Variants in FAM13A observed in about 807,000 individuals in gnomAD.
FAM13A encodes the protein family with sequence similarity 13 member A.
A neutral mutation model predicts 129.6 loss-of-function variants in FAM13A; 76 were observed. The observed-to-expected ratio is 0.59, with a 90% CI of 0.49 to 0.71. The LOEUF is 0.71. Ranked by LOEUF, FAM13A falls within the 30% of genes least tolerant of loss-of-function variation. The probability of loss-of-function intolerance (pLI) is 0.00; values close to 1 mark genes in which losing one functional copy is unlikely to be tolerated. For synonymous variants in FAM13A, 443 were observed against 449.9 expected (o/e 0.98, Z 0.20); for missense variants, 1,108 against 1,249.3 (o/e 0.89, Z 1.70).
intron 5 of FAM13A, among the ~76,000 whole-genome samples, chr4:88,928,199 A>G (rs994574306): frequency 6.6e-6 from 1 of 152,140 alleles, no homozygotes; most frequent in Non-Finnish European, 1.5e-5. Flanking sequence ...CTGAGAAAAT[A>G]CTTGATATCA....
At chr4:88,855,235 G>A (rs1404966264) in intron 6 of FAM13A, 1 of 151,820 alleles carries the variant, frequency 6.6e-6, no homozygotes, top group African/African-American at 2.4e-5. Flanking sequence ...TCTTTTTTGG[G>A]TATTAGAAGT....
intron 7 of FAM13A, among the ~76,000 whole-genome samples, chr4:88,849,284 T>G (rs1022886278): frequency 1.3e-5 from 2 of 152,146 alleles, no homozygotes; most frequent in Non-Finnish European, 2.9e-5. Flanking sequence ...AACACTGCAA[T>G]TGCCTCCCAA....
intron 3 of FAM13A, among the ~76,000 whole-genome samples, chr4:88,996,846 T>C (rs568580070): frequency 1.6e-4 from 25 of 152,326 alleles, no homozygotes; most frequent in African/African-American, 6.0e-4. Flanking sequence ...GTGCCTTGCA[T>C]ATTAAAAGCG....
intron 4 of FAM13A, chr4:88,990,722 CTT>C (rs1762824656): frequency 5.7e-6 from 2 of 352,882 alleles, no homozygotes; most frequent in Non-Finnish European, 1.0e-5. Flanking sequence ...TAAAATATAA[CTT>C]ATTTCCAGAT....
At chr4:88,946,696 C>CT (rs545751558) in intron 4 of FAM13A, among the ~76,000 whole-genome samples, 25 of 150,646 alleles carry the variant, frequency 1.7e-4, no homozygotes, top group Admixed American at 7.3e-4. Context: ...TCTGGCTCAG[C>CT]TTTTTTTTTA....
intron 17 of FAM13A, 30 bp downstream of exon 17, chr4:88,748,922 C>T: frequency 4.0e-6 from 6 of 1,513,264 alleles, no homozygotes; most frequent in Non-Finnish European, 5.5e-6. Flanking sequence ...GCTTGTTGTA[C>T]AGAAGCCACA....
chr4:89,027,550 G>C (rs1768127511), intron 2 of FAM13A, among the ~76,000 whole-genome samples: 1 of 151,314 alleles, frequency 6.6e-6, no homozygotes, highest in Non-Finnish European at 1.5e-5. Context: ...AAATGGGAGA[G>C]ATTTGTTCTT....
chr4:88,837,815 C>T (rs1370215921), intron 7 of FAM13A, among the ~76,000 whole-genome samples: 25 of 149,614 alleles, frequency 1.7e-4, no homozygotes, highest in South Asian at 1.1e-3. Context: ...CTTCCTTTTT[C>T]AGTTATATTT....
At chr4:88,966,956 A>T (rs1440292363) in intron 4 of FAM13A, among the ~76,000 whole-genome samples, 1 of 152,168 alleles carries the variant, frequency 6.6e-6, no homozygotes, top group Non-Finnish European at 1.5e-5. Context: ...CAATTATAGT[A>T]TAGATGTAAA....
chr4:88,978,508 A>G (rs902957445), intron 4 of FAM13A, among the ~76,000 whole-genome samples: 3 of 152,218 alleles, frequency 2.0e-5, no homozygotes, highest in Admixed American at 6.5e-5. Context: ...AAAAAGCACA[A>G]TTAAGGCTGG....
At chr4:88,745,048 G>C (rs756383643) in intron 19 of FAM13A, among the ~76,000 whole-genome samples, 1 of 152,160 alleles carries the variant, frequency 6.6e-6, no homozygotes, top group Non-Finnish European at 1.5e-5. Context: ...ACAGAAAGTA[G>C]AACGTGTAAT....
chr4:88,846,596 G>A (rs975006319), intron 7 of FAM13A, among the ~76,000 whole-genome samples: 2 of 152,190 alleles, frequency 1.3e-5, no homozygotes, highest in Admixed American at 6.5e-5. Flanking sequence ...TTAGCATTTC[G>A]TAATCAAGTG....
intron 4 of FAM13A, among the ~76,000 whole-genome samples, chr4:88,979,800 G>A (rs200153686): frequency 7.8e-4 from 119 of 152,070 alleles, no homozygotes; most frequent in African/African-American, 2.7e-3. Context: ...GTGAAACCCC[G>A]TCTCTACTAA....
At chr4:88,991,313 C>T (rs6834787) in intron 3 of FAM13A, among the ~76,000 whole-genome samples, 163 bp from the exon 4 acceptor site, 105,680 of 152,028 alleles carry the variant, frequency 0.7, 36,843 homozygotes, top group Middle Eastern at 0.79. Context: ...TACTAACTTA[C>T]TGTAGTCCCA....
intron 4 of FAM13A, among the ~76,000 whole-genome samples, chr4:88,958,061 C>A (rs1104633): frequency 6.6e-6 from 1 of 151,448 alleles, no homozygotes; most frequent in East Asian, 1.9e-4. Flanking sequence ...CCTGGCCAAG[C>A]GTCAGAGGGA....
chr4:88,995,282 T>C (rs946552075), intron 3 of FAM13A, among the ~76,000 whole-genome samples: 3 of 152,164 alleles, frequency 2.0e-5, no homozygotes, highest in Non-Finnish European at 2.9e-5. Flanking sequence ...TGATGGTTAA[T>C]ATTGAGTGTC....
At position 88,906,935 on chromosome 4, in the gene FAM13A, T is replaced by C. The variant is rs576207013; in HGVS notation, c.760-473A>G. 2.0e-5 allele frequency among the ~76,000 whole-genome samples: 3 copies of C among 152,340 alleles called. No individual in the cohort carries two copies. In the East Asian group the frequency reaches 5.8e-4, roughly 29 times the overall value. Reference sequence around the variant, plus strand: ...TTACCAAACCACTATTAAACGGTGATAGTTTTGTATTAACACCTTGTGGAA... The same window carrying C: ...TTACCAAACCACTATTAAACGGTGACAGTTTTGTATTAACACCTTGTGGAA... On this transcript the variant is annotated intron_variant, in intron 5 of 23. Transcript: ENST00000264344.
At chr4:89,042,535 G>A (rs1245924410) in intron 1 of FAM13A, among the ~76,000 whole-genome samples, 1 of 152,064 alleles carries the variant, frequency 6.6e-6, no homozygotes, top group Non-Finnish European at 1.5e-5. Context: ...AGCATATAGG[G>A]TTATTTATGT....
At chr4:88,931,857 T>C (rs2148783553) in intron 5 of FAM13A, among the ~76,000 whole-genome samples, 1 of 152,326 alleles carries the variant, frequency 6.6e-6, no homozygotes, top group Middle Eastern at 3.4e-3. Flanking sequence ...TTTTGGTGGG[T>C]ACAAGCTAGT....
Sources: allele counts gnomAD v4.1 joint callset (sites outside exome capture counted in the v4.1 genomes callset), GRCh38; gene constraint gnomAD v4.1.1; transcripts MANE v1.5; gene names NCBI Gene and HGNC (gene_info 2026-07-23, HGNC 2026-07-21).